CLSTN2: variants seen among roughly 807,000 people sequenced by gnomAD.
CLSTN2 encodes calsyntenin 2.
Under a neutral mutation model 101.2 loss-of-function variants are expected in CLSTN2, and 48 were observed. The observed-to-expected ratio is 0.47, with a 90% CI of 0.38 to 0.60. The LOEUF (loss-of-function observed/expected upper bound fraction) is 0.60, where lower values mean the gene tolerates loss of function less well. Among genes scored for constraint, CLSTN2 ranks in the 20% least tolerant of loss-of-function variants. The pLI, the probability that CLSTN2 is intolerant of heterozygous loss-of-function variation, is 0.00. For synonymous variants in CLSTN2, 481 were observed against 463.6 expected (o/e 1.04, Z -0.48); for missense variants, 1,160 against 1,238.2 (o/e 0.94, Z 0.95).
intron 1 of CLSTN2, among the ~76,000 whole-genome samples, chr3:140,059,974 C>T (rs1277941686): frequency 6.6e-6 from 1 of 152,164 alleles, no homozygotes; most frequent in African/African-American, 2.4e-5. Flanking sequence ...AATACCCTAG[C>T]CCTTCCACTG....
intron 1 of CLSTN2, among the ~76,000 whole-genome samples, chr3:140,130,466 T>C (rs1212386144): frequency 6.6e-6 from 1 of 152,144 alleles, no homozygotes; most frequent in Non-Finnish European, 1.5e-5. Context: ...ACATCATGCC[T>C]TTAGGGAAGT....
intron 2 of CLSTN2, among the ~76,000 whole-genome samples, chr3:140,297,104 T>G (rs1039140808): frequency 1.3e-5 from 2 of 152,260 alleles, no homozygotes; most frequent in Non-Finnish European, 2.9e-5. Flanking sequence ...TTAGTCAGAA[T>G]GATTAACTTC....
chr3:140,404,914 C>A (rs2088285715), intron 4 of CLSTN2, 148 bp downstream of exon 4: 1 of 700,316 alleles, frequency 1.4e-6, no homozygotes, highest in Non-Finnish European at 2.4e-6. Flanking sequence ...GAGCTCAGTC[C>A]CACACTTGAG....
At chr3:140,295,727 T>C (rs899026413) in intron 2 of CLSTN2, among the ~76,000 whole-genome samples, 3 of 152,114 alleles carry the variant, frequency 2.0e-5, no homozygotes, top group African/African-American at 7.2e-5. Flanking sequence ...AACACCAAAC[T>C]CAGGACGACC....
chr3:139,958,275 G>A (rs896923405), intron 1 of CLSTN2, among the ~76,000 whole-genome samples: 2 of 152,142 alleles, frequency 1.3e-5, no homozygotes, highest in Non-Finnish European at 2.9e-5. Flanking sequence ...CAAACACCAA[G>A]AATATTGCTG....
intron 1 of CLSTN2, among the ~76,000 whole-genome samples, chr3:140,029,224 AG>A (rs1282627109): frequency 6.6e-6 from 1 of 152,148 alleles, no homozygotes; most frequent in Non-Finnish European, 1.5e-5. Context: ...AGTTTCTCTT[AG>A]GTTGTCTGGA....
chr3:140,059,236 C>G (rs1175052197), intron 1 of CLSTN2, among the ~76,000 whole-genome samples: 1 of 152,234 alleles, frequency 6.6e-6, no homozygotes, highest in African/African-American at 2.4e-5. Context: ...CAAAAACTAC[C>G]TGGAACCACC....
chr3:139,937,243 T>A (rs1333464031), intron 1 of CLSTN2, among the ~76,000 whole-genome samples: 2 of 151,878 alleles, frequency 1.3e-5, no homozygotes, highest in African/African-American at 4.8e-5. Flanking sequence ...GGGAAGAGGA[T>A]CTGGTGTGAG....
At chr3:140,025,024 C>G (rs74486169) in intron 1 of CLSTN2, among the ~76,000 whole-genome samples, 2,365 of 152,272 alleles carry the variant, frequency 0.016, 26 homozygotes, top group Middle Eastern at 0.048. Context: ...TCAAGTCCTT[C>G]CATTTTGCAG....
intron 2 of CLSTN2, among the ~76,000 whole-genome samples, chr3:140,329,855 A>G (rs1434285667): frequency 6.6e-6 from 1 of 152,228 alleles, no homozygotes; most frequent in African/African-American, 2.4e-5. Context: ...CAGTCATAAA[A>G]TATTAAAAGT....
chr3:140,155,023 G>T (rs887856923), intron 1 of CLSTN2, among the ~76,000 whole-genome samples: 1 of 152,048 alleles, frequency 6.6e-6, no homozygotes, highest in Non-Finnish European at 1.5e-5. Flanking sequence ...CTTGACATGT[G>T]GGGATTACAA....
chr3:140,510,621 C>T (rs1934793376), intron 8 of CLSTN2, among the ~76,000 whole-genome samples: 2 of 152,298 alleles, frequency 1.3e-5, no homozygotes, highest in East Asian at 1.9e-4. Context: ...TTTCCTGCTC[C>T]CCTGCACTCC....
intron 2 of CLSTN2, 97 bp from the exon 3 acceptor site, chr3:140,403,532 T>G: frequency 9.9e-6 from 10 of 1,015,200 alleles, no homozygotes; most frequent in Non-Finnish European, 1.5e-5. Flanking sequence ...AGAAATTGCA[T>G]GGAGGCTTTG....
chr3:140,219,532 A>G (rs1232788413), intron 2 of CLSTN2, among the ~76,000 whole-genome samples: 1 of 152,210 alleles, frequency 6.6e-6, no homozygotes, highest in East Asian at 1.9e-4. Context: ...TTCTTGATGT[A>G]TTTTTAATGT....
At chr3:140,485,936 G>A (rs1452287047) in intron 8 of CLSTN2, among the ~76,000 whole-genome samples, 1 of 151,740 alleles carries the variant, frequency 6.6e-6, no homozygotes, top group Non-Finnish European at 1.5e-5. Flanking sequence ...CCCTGCTTCG[G>A]CTCACACTTG....
chr3:140,549,276 A>G (rs1935663406), intron 10 of CLSTN2, among the ~76,000 whole-genome samples: 1 of 149,492 alleles, frequency 6.7e-6, no homozygotes, highest in Non-Finnish European at 1.5e-5. Flanking sequence ...TTTAAAAACT[A>G]TAAATTAAAG....
intron 2 of CLSTN2, among the ~76,000 whole-genome samples, chr3:140,261,037 A>T (rs369721080): frequency 6.6e-6 from 1 of 152,312 alleles, no homozygotes; most frequent in Admixed American, 6.5e-5. Context: ...CTGTTAAACT[A>T]GGTCGTCTGG....
chr3:140,054,605 C>G (rs910205992), intron 1 of CLSTN2, among the ~76,000 whole-genome samples: 1 of 152,128 alleles, frequency 6.6e-6, no homozygotes, highest in Non-Finnish European at 1.5e-5. Flanking sequence ...TGCCAGGGAC[C>G]CTTACCTGCT....
chr3:140,046,933 C>T (rs1441177833), intron 1 of CLSTN2, among the ~76,000 whole-genome samples: 2 of 152,076 alleles, frequency 1.3e-5, no homozygotes, highest in Non-Finnish European at 2.9e-5. Flanking sequence ...ATTGGTGTTG[C>T]CTGCTTCCAA....
Sources: gnomAD v4.1 joint callset for allele counts (sites outside exome capture counted in the v4.1 genomes callset) on GRCh38, gnomAD v4.1.1 for gene constraint, MANE v1.5 for transcripts, NCBI Gene and HGNC (gene_info 2026-07-23, HGNC 2026-07-21) for gene names.